GSE1: variants seen among roughly 807,000 people sequenced by gnomAD.
The protein encoded by GSE1 is Gse1 coiled-coil protein.
GSE1 carries 32 observed loss-of-function variants against 112.6 expected under a neutral mutation model. That is an observed-to-expected ratio of 0.28 (90% confidence interval 0.21 to 0.38). GSE1 has a LOEUF of 0.38. Ranked by LOEUF, GSE1 falls within the 10% of genes least tolerant of loss-of-function variation. The probability of loss-of-function intolerance (pLI) is 1.00; values close to 1 mark genes in which losing one functional copy is unlikely to be tolerated. For synonymous variants in GSE1, 1,115 were observed against 735.6 expected (o/e 1.52, Z -8.35); for missense variants, 2,348 against 1,699.2 (o/e 1.38, Z -6.71).
At chr16:85,556,575 C>A (rs2045225642) in intron 1 of GSE1, among the ~76,000 whole-genome samples, 1 of 151,452 alleles carries the variant, frequency 6.6e-6, no homozygotes, top group Non-Finnish European at 1.5e-5. Context: ...CCCACCTGGC[C>A]CGCCGCCCCC....
chr16:85,630,466 G>C (rs772575516), intron 1 of GSE1, among the ~76,000 whole-genome samples: 3 of 152,168 alleles, frequency 2.0e-5, no homozygotes, highest in Non-Finnish European at 4.4e-5. Context: ...AAACAGCGGA[G>C]ATTACAGGTA....
At chr16:85,586,368 C>T (rs994354555) in intron 1 of GSE1, among the ~76,000 whole-genome samples, 3 of 152,218 alleles carry the variant, frequency 2.0e-5, no homozygotes, top group East Asian at 1.9e-4. Flanking sequence ...TGCCTTTGTC[C>T]GTGAGGTTCC....
At chr16:85,196,984 C>T (rs756170622) in intron 1 of GSE1, among the ~76,000 whole-genome samples, 4 of 152,122 alleles carry the variant, frequency 2.6e-5, no homozygotes, top group Non-Finnish European at 5.9e-5. Context: ...CTGGAGACCC[C>T]GGTATGGGAC....
chr16:85,211,918 A>G (rs1185439456), intron 1 of GSE1, among the ~76,000 whole-genome samples: 1 of 152,206 alleles, frequency 6.6e-6, no homozygotes, highest in African/African-American at 2.4e-5. Context: ...TCAAGGCACC[A>G]GGGGGCTGAA....
intron 2 of GSE1, among the ~76,000 whole-genome samples, chr16:85,360,586 C>T (rs1489695237): frequency 2.0e-5 from 3 of 152,114 alleles, no homozygotes; most frequent in South Asian, 2.1e-4. Flanking sequence ...GGCGGGCGGG[C>T]GCTGTCTCCC....
chr16:85,574,735 C>A (rs1216635297), intron 1 of GSE1, among the ~76,000 whole-genome samples: 2 of 152,214 alleles, frequency 1.3e-5, no homozygotes, highest in Non-Finnish European at 2.9e-5. Flanking sequence ...CCGCTGGTGG[C>A]TCTGCTGAGA....
At position 85,216,650 on chromosome 16, in the gene GSE1, G is replaced by A. The variant is rs551028047; in HGVS notation, c.2283+44843G>A. The stretch of plus-strand genomic sequence containing the variant: ...CAGATGAGAAATTGAGGCACAGGGA[G>A]GTTAAGCTGTTTTCCCACAGACACA... On this transcript the variant is annotated intron_variant, in intron 1 of 2. Coordinates refer to the GSE1 transcript ENST00000637419. Among the ~76,000 whole-genome samples the A allele has an allele frequency of 1.4e-4, 22 of 152,306 alleles. No individual in the cohort carries two copies. The East Asian group carries it at 4.1e-3, about 28-fold the overall frequency.
rs899831595 is a variant in GSE1, at chr16:85,613,368, G to A, written c.-24G>A. ...ACGGTGGCTCCAGCATGTATCAGCC[G>A]AGGTGGAGCTGCGGGGCCCTGGCAT... On this transcript the variant is annotated 5_prime_UTR_variant, in exon 1 of 16. Transcript: ENST00000253458. 6.4e-7 allele frequency: 1 copy of A among 1,569,946 alleles called. No individual in the cohort carries two copies. The highest frequency in any genetic ancestry group is 1.2e-5 in the South Asian group (1 of 85,634).
chr16:85,330,811 A>G (rs531927826), intron 1 of GSE1, among the ~76,000 whole-genome samples: 1 of 152,324 alleles, frequency 6.6e-6, no homozygotes, highest in South Asian at 2.1e-4. Context: ...CCAGGGACAC[A>G]TCTTCCCTGT....
At chr16:85,507,298 C>T (rs563699405) in intron 2 of GSE1, among the ~76,000 whole-genome samples, 18 of 152,296 alleles carry the variant, frequency 1.2e-4, no homozygotes, top group South Asian at 2.1e-4. Context: ...ACGTGGTATC[C>T]GGTTTGGAAA....
At chr16:85,329,465 C>T (rs1279446516) in intron 1 of GSE1, among the ~76,000 whole-genome samples, 1 of 151,966 alleles carries the variant, frequency 6.6e-6, no homozygotes, top group East Asian at 2.0e-4. Flanking sequence ...GCCGGGTGCC[C>T]TGCTGGCTTG....
In GSE1 at chr16:85,655,733, G is replaced by A. The variant is rs370359409; in HGVS notation, c.805G>A (p.Asp269Asn). Residue 269 changes from aspartate (D) to asparagine (N), a missense_variant, in exon 6 of 16, where the codon GAC (aspartate) becomes AAC (asparagine). Physicochemically the swap from Asp to Asn is conservative, Grantham distance 23. Transcript: ENST00000253458. The stretch of plus-strand genomic sequence containing the variant: ...CCCGTCTTCTCTGCACAGGATGGAC[G>A]ACTCCTACTGCCTGTCTGCCCTGAG... ...PFPHPAFRMD[D>N]SYCLSALRSP... 12 of 1,601,250 alleles carry A rather than the reference G, an allele frequency of 7.5e-6. No individual in the cohort carries two copies. The East Asian group carries it at 1.8e-4, about 24-fold the overall frequency.
chr16:85,412,793 T>G (rs1434729687), intron 2 of GSE1, among the ~76,000 whole-genome samples: 2 of 152,156 alleles, frequency 1.3e-5, no homozygotes, highest in Admixed American at 1.3e-4. Context: ...ACCTCTCCAG[T>G]GCAACTGTTG....
chr16:85,274,945 G>A (rs765032430), intron 1 of GSE1, among the ~76,000 whole-genome samples: 1 of 152,230 alleles, frequency 6.6e-6, no homozygotes, highest in Non-Finnish European at 1.5e-5. Context: ...CTTGGAGTGA[G>A]ACCAGGCATT....
At chr16:85,323,370 G>C (rs924899244) in intron 1 of GSE1, among the ~76,000 whole-genome samples, 5 of 152,152 alleles carry the variant, frequency 3.3e-5, no homozygotes, top group Admixed American at 6.5e-5. Flanking sequence ...GAAAGGGTGA[G>C]AGCCTAGAGG....
chr16:85,555,173 C>T, upstream of GSE1: 1 of 985,416 alleles, frequency 1.0e-6, no homozygotes, highest in Non-Finnish European at 1.2e-6. Context: ...TTAGGGGAGA[C>T]AAATCTGCTG....
chr16:85,228,839 CT>C (rs903329557), intron 1 of GSE1, among the ~76,000 whole-genome samples: 1 of 152,238 alleles, frequency 6.6e-6, no homozygotes, highest in African/African-American at 2.4e-5. Context: ...TTGAGGCCAC[CT>C]TCTGCCTCAG....
chr16:85,338,813 T>C (rs1375311655), intron 1 of GSE1, among the ~76,000 whole-genome samples: 1 of 151,956 alleles, frequency 6.6e-6, no homozygotes, highest in Non-Finnish European at 1.5e-5. Context: ...CAGCCCGCAG[T>C]AACCGAGTCA....
chr16:85,495,735 T>G (rs2051154689), intron 2 of GSE1, among the ~76,000 whole-genome samples: 2 of 152,242 alleles, frequency 1.3e-5, no homozygotes, highest in African/African-American at 4.8e-5. Flanking sequence ...TGGCCTCAGG[T>G]GATCTGCCCA....
Sources: allele counts gnomAD v4.1 joint callset (sites outside exome capture counted in the v4.1 genomes callset), GRCh38; gene constraint gnomAD v4.1.1; transcripts MANE v1.5; gene names NCBI Gene and HGNC (gene_info 2026-07-23, HGNC 2026-07-21).